The following SPIN1 variants were observed in gnomAD, a reference collection of about 807,000 sequenced individuals.
The protein encoded by SPIN1 is spindlin 1.
SPIN1 carries 3 observed loss-of-function variants against 26.0 expected under a neutral mutation model. That is an observed-to-expected ratio of 0.12 (90% CI 0.05 to 0.30). The LOEUF (loss-of-function observed/expected upper bound fraction) is 0.30, where lower values mean the gene tolerates loss of function less well. SPIN1 is among the 10% of genes least tolerant of loss of function. The pLI, the probability that SPIN1 is intolerant of heterozygous loss-of-function variation, is 1.00. For missense variants in SPIN1, 126 were observed against 333.4 expected, an observed-to-expected ratio of 0.38 and a Z score of 4.84; for synonymous variants, 101 against 116.5, an observed-to-expected ratio of 0.87 and a Z score of 0.86.
At chr9:88,471,498 A>C (rs1027567899) in intron 5 of SPIN1, among the ~76,000 whole-genome samples, 1 of 151,680 alleles carries the variant, frequency 6.6e-6, no homozygotes, top group African/African-American at 2.4e-5. Context: ...CCCTGTCTCT[A>C]CTAAAAATTA....
chr9:88,472,895 C>G lies in SPIN1; in HGVS notation c.590-2183C>G, dbSNP rs1462677651. Among the ~76,000 whole-genome samples, 4 of 152,270 alleles carry G rather than the reference C, an allele frequency of 2.6e-5. No individual in the cohort carries two copies. The East Asian group carries it at 7.7e-4, about 29-fold the overall frequency. ...AATTTCACTTTTGGATAAGCTTGTT[C>G]CTTTAAAAACTACTCAGTGGCCTTT... On this transcript the variant is annotated intron_variant, in intron 5 of 5. Transcript: ENST00000375859.
intron 2 of SPIN1, among the ~76,000 whole-genome samples, chr9:88,434,939 C>G (rs1827969674): frequency 6.6e-6 from 1 of 151,788 alleles, no homozygotes; most frequent in Admixed American, 6.6e-5. Flanking sequence ...GTAATCCCCA[C>G]TACTTGGGAG....
At chr9:88,408,176 A>G (rs1226299287) in intron 1 of SPIN1, among the ~76,000 whole-genome samples, 3 of 151,222 alleles carry the variant, frequency 2.0e-5, no homozygotes, top group African/African-American at 7.3e-5. Context: ...CCTGCTTGGA[A>G]TTCTTAGGTT....
At chr9:88,410,950 A>G in intron 1 of SPIN1, 4 of 1,214,252 alleles carry the variant, frequency 3.3e-6, no homozygotes, top group East Asian at 2.3e-5. Context: ...AATTGTTGCC[A>G]TTCACAGTAT....
chr9:88,435,364 A>G (rs1827980158), intron 2 of SPIN1, among the ~76,000 whole-genome samples: 1 of 151,866 alleles, frequency 6.6e-6, no homozygotes, highest in East Asian at 1.9e-4. Flanking sequence ...ACAGGCATGC[A>G]CCACCACACC....
At chr9:88,418,550 T>G (rs1827612573) in intron 1 of SPIN1, among the ~76,000 whole-genome samples, 2 of 152,218 alleles carry the variant, frequency 1.3e-5, no homozygotes, top group Admixed American at 1.3e-4. Context: ...TTAGTATTTT[T>G]GCTTAAACAG....
At chr9:88,431,828 T>C (rs1827878707) in intron 2 of SPIN1, among the ~76,000 whole-genome samples, 1 of 152,094 alleles carries the variant, frequency 6.6e-6, no homozygotes. Context: ...GGTAGGAGGA[T>C]CATTTGAGGC....
At chr9:88,403,233 G>T (rs1200195805) in intron 1 of SPIN1, among the ~76,000 whole-genome samples, 1 of 152,102 alleles carries the variant, frequency 6.6e-6, no homozygotes, top group Non-Finnish European at 1.5e-5. Flanking sequence ...CATTCAACAG[G>T]TTGTCTCTTC....
chr9:88,446,556 G>A (rs144201279), intron 2 of SPIN1, among the ~76,000 whole-genome samples: 35 of 151,788 alleles, frequency 2.3e-4, no homozygotes, highest in Non-Finnish European at 3.2e-4. Flanking sequence ...ACAGGTGTGC[G>A]CCACCACACC....
At chr9:88,475,047 C>CTTTTTT (rs11320023) in intron 5 of SPIN1, 31 bp from the exon 6 acceptor site, 27 of 841,776 alleles carry the variant, frequency 3.2e-5, no homozygotes, top group South Asian at 1.8e-4. Context: ...CTCTCTCTCT[C>CTTTTTT]TTTTTTTTTT....
chr9:88,429,517 C>A (rs10868778), intron 2 of SPIN1, among the ~76,000 whole-genome samples: 28,766 of 151,930 alleles, frequency 0.19, 3,646 homozygotes, highest in African/African-American at 0.36. Flanking sequence ...TAACTTTTAC[C>A]AGTTTATTAT....
At chr9:88,400,870 G>A (rs972747591) in intron 1 of SPIN1, among the ~76,000 whole-genome samples, 12 of 151,818 alleles carry the variant, frequency 7.9e-5, no homozygotes, top group African/African-American at 1.9e-4. Flanking sequence ...AAAATTAGCC[G>A]GGTGTGGTGG....
Position 88,455,069 on chromosome 9 carries a change from A to G in SPIN1, c.101+6080A>G, listed in dbSNP as rs185360499. Among the ~76,000 whole-genome samples, 211 of 152,368 alleles carry G rather than the reference A, an allele frequency of 1.4e-3. 1 individual carries two copies. The highest frequency in any genetic ancestry group is 4.8e-3 in the African/African-American group (198 of 41,584). ...CTCTTGAATCACAAAAAGGCAGTAG[A>G]AATAAATGTAGGAATTGCCATCCTT... is the stretch of plus-strand genomic sequence containing the variant. On this transcript the variant is annotated intron_variant, in intron 3 of 5. Transcript: ENST00000375859.
chr9:88,469,373 T>C (rs1828733765), intron 5 of SPIN1, among the ~76,000 whole-genome samples: 1 of 152,206 alleles, frequency 6.6e-6, no homozygotes, highest in South Asian at 2.1e-4. Context: ...GATTGACTGC[T>C]AACTTTTCAG....
rs140479448 is a variant in SPIN1 at position 88,458,996 on chromosome 9, T to C, written c.102-3500T>C. Reference sequence around the variant, plus strand: ...AGTGGTGTTTGACCACATATCTGACTACTGTGGTGTAACCAAATTGACACA... The same window carrying C: ...AGTGGTGTTTGACCACATATCTGACCACTGTGGTGTAACCAAATTGACACA... On this transcript the variant is annotated intron_variant, in intron 3 of 5. Coordinates refer to ENST00000375859, the MANE Select transcript of SPIN1 (RefSeq NM_006717.3). Among the ~76,000 whole-genome samples the C allele has an allele frequency of 4.0e-4, 61 of 152,346 alleles. No homozygotes were observed. The East Asian group carries it at 6.6e-3, about 16-fold the overall frequency.
chr9:88,418,945 T>C (rs1433261076), intron 1 of SPIN1: 1 of 152,112 alleles, frequency 6.6e-6, no homozygotes, highest in African/African-American at 2.4e-5. Context: ...GAACAGTCAT[T>C]TTTCTGGTAA....
At chr9:88,423,278 G>A (rs1473501080) in intron 1 of SPIN1, among the ~76,000 whole-genome samples, 2 of 152,274 alleles carry the variant, frequency 1.3e-5, no homozygotes, top group Admixed American at 6.5e-5. Flanking sequence ...TTGATTTTAT[G>A]TAGTTTTAAA....
At chr9:88,424,326 C>T (rs1827725341) in intron 1 of SPIN1, among the ~76,000 whole-genome samples, 1 of 152,064 alleles carries the variant, frequency 6.6e-6, no homozygotes, top group African/African-American at 2.4e-5. Context: ...TTGTTGAATG[C>T]ACACTTGAGA....
At chr9:88,471,670 A>AG (rs1328848003) in intron 5 of SPIN1, among the ~76,000 whole-genome samples, 1 of 151,166 alleles carries the variant, frequency 6.6e-6, no homozygotes. Context: ...AAAAAAAAAA[A>AG]AAAAAAAAAG....
Sources: gnomAD v4.1 joint callset for allele counts (sites outside exome capture counted in the v4.1 genomes callset) on GRCh38, gnomAD v4.1.1 for gene constraint, MANE v1.5 for transcripts, NCBI Gene and HGNC (gene_info 2026-07-23, HGNC 2026-07-21) for gene names.